SNTG1: variants seen among roughly 807,000 people sequenced by gnomAD.
SNTG1 encodes the protein syntrophin gamma 1.
Under a neutral mutation model 74.7 loss-of-function variants are expected in SNTG1, and 39 were observed. The observed-to-expected ratio is 0.52, with a 90% CI of 0.40 to 0.68. SNTG1 has a LOEUF of 0.68. Among genes scored for constraint, SNTG1 ranks in the 30% least tolerant of loss-of-function variants. SNTG1 has a pLI of 0.00. For missense variants in SNTG1, 685 were observed against 609.5 expected, an observed-to-expected ratio of 1.12 and a Z score of -1.30; for synonymous variants, 254 against 217.1, an observed-to-expected ratio of 1.17 and a Z score of -1.49.
chr8:50,561,819 C>A (rs1457832731), intron 12 of SNTG1, among the ~76,000 whole-genome samples: 2 of 152,180 alleles, frequency 1.3e-5, no homozygotes, highest in Admixed American at 6.5e-5. Flanking sequence ...ACACAAGCGA[C>A]ATTTCCCATT....
intron 1 of SNTG1, among the ~76,000 whole-genome samples, chr8:49,981,405 T>C (rs879579551): frequency 1.4e-5 from 2 of 146,756 alleles, no homozygotes; most frequent in African/African-American, 2.6e-5. Context: ...GAAGTCACTG[T>C]TTCCTTTATC....
At chr8:50,054,436 T>C (rs1232714304) in intron 1 of SNTG1, among the ~76,000 whole-genome samples, 1 of 152,140 alleles carries the variant, frequency 6.6e-6, no homozygotes, top group Non-Finnish European at 1.5e-5. Flanking sequence ...CCATTACTTA[T>C]CTCCTTATCT....
intron 2 of SNTG1, among the ~76,000 whole-genome samples, chr8:50,365,785 T>G (rs945457660): frequency 1.3e-5 from 2 of 152,078 alleles, no homozygotes; most frequent in Admixed American, 6.6e-5. Flanking sequence ...AAATTACGAG[T>G]GGTAAAGACA....
intron 13 of SNTG1, among the ~76,000 whole-genome samples, chr8:50,618,219 A>G (rs2094897984): frequency 6.6e-6 from 1 of 152,194 alleles, no homozygotes; most frequent in Non-Finnish European, 1.5e-5. Context: ...CAGCAATGAC[A>G]AAAACTTAGA....
At chr8:50,331,514 C>A (rs1477683568) in intron 2 of SNTG1, among the ~76,000 whole-genome samples, 1 of 152,144 alleles carries the variant, frequency 6.6e-6, no homozygotes, top group Non-Finnish European at 1.5e-5. Context: ...AGCTGAGAAT[C>A]AGATGATACA....
At chr8:50,539,416 G>T (rs1343886489) in intron 11 of SNTG1, among the ~76,000 whole-genome samples, 6 of 152,186 alleles carry the variant, frequency 3.9e-5, no homozygotes, top group Non-Finnish European at 8.8e-5. Context: ...TGGAAAGGTA[G>T]ATGGAGAGGG....
chr8:50,392,770 G>A (rs561847453), intron 2 of SNTG1, among the ~76,000 whole-genome samples: 1 of 152,240 alleles, frequency 6.6e-6, no homozygotes, highest in East Asian at 1.9e-4. Flanking sequence ...AAAAATGGTA[G>A]AAAGTATAGA....
chr8:50,123,579 G>C lies in SNTG1; in HGVS notation c.-102-48982G>C, dbSNP rs1212894079. 1.4e-5 allele frequency among the ~76,000 whole-genome samples: 2 copies of C among 142,616 alleles called. 1 individual carries two copies. The highest frequency in any genetic ancestry group is 5.1e-4 in the South Asian group (2 of 3,884). 93.6% of individuals were successfully genotyped at this position (142,616 alleles called of 152,430 possible). ...ATTATAAAAGATGAAATATCAATTT[G>C]CTAAGAGATGCCTATTATATGTCAT... On this transcript the variant is annotated intron_variant, in intron 1 of 18. Transcript: ENST00000642720.
intron 15 of SNTG1, among the ~76,000 whole-genome samples, chr8:50,689,260 T>C (rs977245752): frequency 1.1e-4 from 16 of 152,312 alleles, no homozygotes; most frequent in Admixed American, 2.0e-4. Context: ...CCTGCCTGAT[T>C]GCCCTGGCCA....
intron 9 of SNTG1, among the ~76,000 whole-genome samples, chr8:50,519,491 A>C (rs2094161624): frequency 6.6e-6 from 1 of 152,160 alleles, no homozygotes; most frequent in African/African-American, 2.4e-5. Context: ...AGATATTCAA[A>C]TAGGAAAAGA....
intron 1 of SNTG1, among the ~76,000 whole-genome samples, chr8:50,141,793 A>G (rs1309628491): frequency 1.3e-5 from 2 of 152,136 alleles, no homozygotes; most frequent in Admixed American, 1.3e-4. Context: ...ACCACAAGGA[A>G]CCAATAACAT....
At position 50,421,048 on chromosome 8, in the gene SNTG1, GGGGA is replaced by G. The variant is rs869108883; in HGVS notation, c.163-17491_163-17488del. Among the ~76,000 whole-genome samples, 3 of 104,872 alleles carry G rather than the reference GGGGA, an allele frequency of 2.9e-5. 1 individual carries two copies. The highest frequency in any genetic ancestry group is 6.4e-5 in the Non-Finnish European group (3 of 46,936). 68.8% of individuals were successfully genotyped at this position (104,872 alleles called of 152,430 possible). On this transcript the variant is annotated intron_variant, in intron 4 of 18. Transcript: ENST00000642720. ...AAAAAAAAAAAAAAGGCGGTGGGCG[GGGGA>G]GGGGGGGGCGAAGATAAAGGGACAT...
chr8:50,616,048 T>A lies in SNTG1; in HGVS notation c.849+25131T>A, dbSNP rs541043715. On this transcript the variant is annotated intron_variant, in intron 13 of 18. Coordinates refer to ENST00000642720, the MANE Select transcript of SNTG1 (RefSeq NM_018967.5). The stretch of plus-strand genomic sequence containing the variant: ...TTCTTCTTCTCCAGGAGTTCTCAGT[T>A]TTTGCTCTTACAACCTTTATGTGGT... Among the ~76,000 whole-genome samples the A allele has an allele frequency of 1.9e-4, 29 of 152,344 alleles. 1 individual carries two copies. In the South Asian group the frequency reaches 5.8e-3, roughly 30 times the overall value.
chr8:50,473,221 A>T (rs906656148), intron 8 of SNTG1, among the ~76,000 whole-genome samples: 1 of 152,132 alleles, frequency 6.6e-6, no homozygotes, highest in Non-Finnish European at 1.5e-5. Flanking sequence ...GATTTTATAA[A>T]GGGCTCTTTC....
At chr8:50,428,823 A>G (rs2093197209) in intron 4 of SNTG1, among the ~76,000 whole-genome samples, 1 of 152,094 alleles carries the variant, frequency 6.6e-6, no homozygotes, top group African/African-American at 2.4e-5. Context: ...TTATCTAGGG[A>G]GGTAAGTTCT....
chr8:50,105,789 A>T (rs1395089869), intron 1 of SNTG1, among the ~76,000 whole-genome samples: 4 of 151,720 alleles, frequency 2.6e-5, no homozygotes, highest in Non-Finnish European at 5.9e-5. Context: ...TATTTTTGTG[A>T]CTATTGTGAG....
intron 1 of SNTG1, among the ~76,000 whole-genome samples, chr8:50,152,563 T>C (rs2082106482): frequency 6.6e-6 from 1 of 152,222 alleles, no homozygotes; most frequent in African/African-American, 2.4e-5. Context: ...CCTTTCTATG[T>C]TTAGTGCTTC....
At position 49,916,324 on chromosome 8, in the gene SNTG1, G is replaced by C. The variant is rs116388400; in HGVS notation, c.-103+4093G>C. On this transcript the variant is annotated intron_variant, in intron 1 of 18. Transcript: ENST00000642720. ...TTTGAATTATCCTTAAATTTTCACC[G>C]TGAAGTTTCTTCAGCACATTCTACA... Among the ~76,000 whole-genome samples, 505 of 152,166 alleles carry C rather than the reference G, an allele frequency of 3.3e-3. 5 individuals carry two copies. The highest frequency in any genetic ancestry group is 0.012 in the African/African-American group (485 of 41,506).
chr8:50,555,914 A>C (rs1302844357), intron 12 of SNTG1, among the ~76,000 whole-genome samples: 1 of 152,162 alleles, frequency 6.6e-6, no homozygotes, highest in Non-Finnish European at 1.5e-5. Context: ...AAAACAAAAA[A>C]CGAAAAACAA....
Sources: gnomAD v4.1 joint callset for allele counts (sites outside exome capture counted in the v4.1 genomes callset) on GRCh38, gnomAD v4.1.1 for gene constraint, MANE v1.5 for transcripts, NCBI Gene and HGNC (gene_info 2026-07-23, HGNC 2026-07-21) for gene names.